The following MAN1A2 variants were observed in gnomAD, a reference collection of about 807,000 sequenced individuals.
The protein encoded by MAN1A2 is mannosidase alpha class 1A member 2, also known as mannosyl-oligosaccharide 1,2-alpha-mannosidase IB.
A neutral mutation model predicts 75.7 loss-of-function variants in MAN1A2; 26 were observed. The observed-to-expected ratio is 0.34, with a 90% CI of 0.25 to 0.48. MAN1A2 has a LOEUF of 0.48. Ranked by LOEUF, MAN1A2 falls within the 20% of genes least tolerant of loss-of-function variation. The probability of loss-of-function intolerance (pLI) is 0.99; values close to 1 mark genes in which losing one functional copy is unlikely to be tolerated. For missense variants in MAN1A2, 562 were observed against 775.5 expected (o/e 0.72, Z 3.27); for synonymous variants, 247 against 264.6 (o/e 0.93, Z 0.65).
intron 11 of MAN1A2, among the ~76,000 whole-genome samples, chr1:117,501,847 G>T (rs1651211707): frequency 6.6e-6 from 1 of 151,750 alleles, no homozygotes; most frequent in African/African-American, 2.4e-5. Flanking sequence ...GACAGCGATG[G>T]TTAGTTAAGT....
At chr1:117,475,008 G>T (rs1484954307) in intron 8 of MAN1A2, among the ~76,000 whole-genome samples, 1 of 151,906 alleles carries the variant, frequency 6.6e-6, no homozygotes, top group African/African-American at 2.4e-5. Flanking sequence ...TCTATGTTGT[G>T]TATATCAGTA....
chr1:117,439,554 C>T (rs574852687), intron 5 of MAN1A2, among the ~76,000 whole-genome samples: 72 of 151,646 alleles, frequency 4.7e-4, no homozygotes, highest in African/African-American at 1.5e-3. Context: ...AGTGCAGTGG[C>T]GTGATCTCGG....
chr1:117,450,498 T>G (rs1649374594), intron 6 of MAN1A2, among the ~76,000 whole-genome samples: 1 of 152,182 alleles, frequency 6.6e-6, no homozygotes, highest in African/African-American at 2.4e-5. Context: ...GAAATTTGCA[T>G]AAGTAACAGG....
chr1:117,454,925 A>G (rs1005550349), intron 6 of MAN1A2, among the ~76,000 whole-genome samples: 1 of 152,166 alleles, frequency 6.6e-6, no homozygotes, highest in African/African-American at 2.4e-5. Context: ...GCAGTCATAA[A>G]AAAATAAGCC....
intron 1 of MAN1A2, among the ~76,000 whole-genome samples, chr1:117,391,766 A>G (rs989151813): frequency 1.3e-5 from 2 of 152,138 alleles, no homozygotes; most frequent in African/African-American, 4.8e-5. Flanking sequence ...CTAAAATCAT[A>G]CACATTCATC....
chr1:117,524,240 T>C lies in MAN1A2; in HGVS notation c.*1283T>C, dbSNP rs1187080383. ...TGGGATACATCTAAGGAACTTTATC[T>C]TACTATCAGTAGGTTTTGCATTGAT... is the stretch of plus-strand genomic sequence containing the variant. On this transcript the variant is annotated 3_prime_UTR_variant, in exon 13 of 13. Transcript: ENST00000356554. 6.6e-6 allele frequency: 1 copy of C among 152,282 alleles called. No individual in the cohort carries two copies. Among genetic ancestry groups the C allele is most frequent in the African/African-American group, 2.4e-5 (1 of 41,416 alleles). The allele number at this position is 152,282 out of a possible 1,614,324, so 9.4% of individuals were successfully genotyped here. A position where few individuals can be genotyped will look rare whatever the true frequency, so the allele number is the denominator to read the frequency against.
At chr1:117,386,826 G>C (rs1292489097) in intron 1 of MAN1A2, among the ~76,000 whole-genome samples, 3 of 151,678 alleles carry the variant, frequency 2.0e-5, no homozygotes, top group African/African-American at 7.3e-5. Flanking sequence ...CACGTAATCG[G>C]GAGGATCATT....
At chr1:117,449,004 A>G (rs1649322981) in intron 6 of MAN1A2, among the ~76,000 whole-genome samples, 1 of 152,020 alleles carries the variant, frequency 6.6e-6, no homozygotes, top group Non-Finnish European at 1.5e-5. Flanking sequence ...TTATTATTAC[A>G]TCTGTTATAG....
At chr1:117,411,058 A>G (rs1647801620) in intron 3 of MAN1A2, among the ~76,000 whole-genome samples, 2 of 151,798 alleles carry the variant, frequency 1.3e-5, no homozygotes, top group South Asian at 2.1e-4. Flanking sequence ...GAGGAGTCCA[A>G]TGAAAATGAC....
intron 5 of MAN1A2, among the ~76,000 whole-genome samples, chr1:117,429,445 AC>A (rs1167141148): frequency 4.6e-5 from 4 of 86,526 alleles, no homozygotes; most frequent in Non-Finnish European, 9.5e-5. Flanking sequence ...GACCCCCCCC[AC>A]CTCCCTCCCG....
At chr1:117,502,658 A>G (rs780566207) in intron 11 of MAN1A2, among the ~76,000 whole-genome samples, 197 bp from the exon 12 acceptor site, 46 of 151,734 alleles carry the variant, frequency 3.0e-4, no homozygotes, top group Non-Finnish European at 5.8e-4. Flanking sequence ...GAGAAGTTCT[A>G]TAGGAAACAT....
At chr1:117,442,349 T>C (rs372913529) in intron 6 of MAN1A2, 24 bp downstream of exon 6, 55 of 1,449,830 alleles carry the variant, frequency 3.8e-5, no homozygotes, top group Non-Finnish European at 5.2e-5. Context: ...GGTATTCTTA[T>C]TCTGGAAGAA....
At chr1:117,514,952 T>G (rs1651669068) in intron 12 of MAN1A2, 1 of 526,830 alleles carries the variant, frequency 1.9e-6, no homozygotes, top group East Asian at 5.5e-5. Context: ...GGAGACAAGC[T>G]AAGTCAAATC....
chr1:117,407,280 A>T (rs1025964389), intron 3 of MAN1A2, among the ~76,000 whole-genome samples: 3 of 152,030 alleles, frequency 2.0e-5, no homozygotes, highest in Admixed American at 2.0e-4. Flanking sequence ...TTGTTAAAGG[A>T]TTATTTTTTA....
intron 12 of MAN1A2, among the ~76,000 whole-genome samples, chr1:117,520,262 C>A (rs1348759455): frequency 6.6e-6 from 1 of 152,012 alleles, no homozygotes; most frequent in Non-Finnish European, 1.5e-5. Flanking sequence ...AGAACTGGAA[C>A]AAGACAAGGA....
intron 12 of MAN1A2, among the ~76,000 whole-genome samples, chr1:117,510,729 G>A (rs1479573211): frequency 1.3e-5 from 2 of 152,036 alleles, no homozygotes; most frequent in Non-Finnish European, 2.9e-5. Flanking sequence ...TTAAGTGCCT[G>A]ATGTGTGCCA....
intron 1 of MAN1A2, among the ~76,000 whole-genome samples, chr1:117,376,517 A>G (rs1156364777): frequency 6.6e-6 from 1 of 152,244 alleles, no homozygotes; most frequent in Non-Finnish European, 1.5e-5. Context: ...TGTTGAAACT[A>G]TGATTCCTCT....
intron 4 of MAN1A2, among the ~76,000 whole-genome samples, chr1:117,420,289 A>G (rs1034743531): frequency 1.2e-4 from 18 of 152,076 alleles, no homozygotes; most frequent in Non-Finnish European, 2.2e-4. Context: ...GTAATAGTTA[A>G]CAGTGTTAAA....
intron 4 of MAN1A2, among the ~76,000 whole-genome samples, chr1:117,417,704 A>T (rs1570726587): frequency 6.9e-6 from 1 of 145,810 alleles, no homozygotes; most frequent in African/African-American, 2.7e-5. Flanking sequence ...ACACACACAC[A>T]CACTCTCTCT....
Sources: allele counts gnomAD v4.1 joint callset (sites outside exome capture counted in the v4.1 genomes callset), GRCh38; gene constraint gnomAD v4.1.1; transcripts MANE v1.5; gene names NCBI Gene and HGNC (gene_info 2026-07-23, HGNC 2026-07-21).